Variants in AUTS2 observed in about 807,000 individuals in gnomAD.
AUTS2 encodes autism susceptibility gene 2 protein.
In AUTS2, 17 loss-of-function variants were observed where a neutral mutation model predicts 112.4. That is an observed-to-expected ratio of 0.15 (90% confidence interval 0.10 to 0.23). The LOEUF (loss-of-function observed/expected upper bound fraction) is 0.23, where lower values mean the gene tolerates loss of function less well. AUTS2 is among the 10% of genes least tolerant of loss of function. The pLI, the probability that AUTS2 is intolerant of heterozygous loss-of-function variation, is 1.00. For synonymous variants in AUTS2, 751 were observed against 702.7 expected (o/e 1.07, Z -1.09); for missense variants, 1,510 against 1,701.6 (o/e 0.89, Z 1.98).
Position 69,902,491 on chromosome 7 carries a change from C to A in AUTS2, c.522+2993C>A, listed in dbSNP as rs116049472. ...AACTACAGATGAAATAGGGAAGAGGCGAGAACTTAGTCTTTATTTCTGACT... is the reference window on the plus strand; with the variant it reads ...AACTACAGATGAAATAGGGAAGAGGAGAGAACTTAGTCTTTATTTCTGACT... On this transcript the variant is annotated intron_variant, in intron 2 of 18. Transcript: ENST00000342771. Among the ~76,000 whole-genome samples the A allele has an allele frequency of 2.1e-3, 323 of 152,174 alleles. 1 individual carries two copies. Among genetic ancestry groups the A allele is most frequent in the African/African-American group, 7.4e-3 (309 of 41,518 alleles).
intron 5 of AUTS2, among the ~76,000 whole-genome samples, chr7:70,442,582 C>G (rs558614221): frequency 6.6e-6 from 1 of 152,290 alleles, no homozygotes; most frequent in African/African-American, 2.4e-5. Context: ...CCTCCCACTC[C>G]TTGATTCAAG....
At chr7:70,703,490 CAA>C (rs57223380) in intron 6 of AUTS2, among the ~76,000 whole-genome samples, 9,931 of 98,102 alleles carry the variant, frequency 0.1, 367 homozygotes, top group East Asian at 0.37. Context: ...GACACCATTT[CAA>C]AAAAAAAAAA....
intron 2 of AUTS2, among the ~76,000 whole-genome samples, chr7:69,946,911 G>A (rs1378279666): frequency 6.6e-6 from 1 of 152,128 alleles, no homozygotes; most frequent in African/African-American, 2.4e-5. Flanking sequence ...GCCTTGTGAG[G>A]CAAGGAAAGC....
intron 2 of AUTS2, among the ~76,000 whole-genome samples, chr7:69,971,801 T>G (rs183094804): frequency 3.9e-5 from 6 of 152,356 alleles, no homozygotes; most frequent in Admixed American, 3.3e-4. Flanking sequence ...CTGAGTAGTA[T>G]TCTATGGTAT....
At chr7:70,004,711 G>A (rs888666590) in intron 2 of AUTS2, among the ~76,000 whole-genome samples, 1 of 151,312 alleles carries the variant, frequency 6.6e-6, no homozygotes, top group East Asian at 1.9e-4. Context: ...TTCATGAGCT[G>A]GGGGAAAAAA....
intron 1 of AUTS2, among the ~76,000 whole-genome samples, chr7:69,736,087 A>G (rs1787019372): frequency 6.6e-6 from 1 of 152,170 alleles, no homozygotes; most frequent in African/African-American, 2.4e-5. Flanking sequence ...TGTTGAATAC[A>G]TGCATTTGTT....
intron 1 of AUTS2, among the ~76,000 whole-genome samples, chr7:69,671,915 GA>G (rs1218469904): frequency 1.3e-5 from 2 of 152,228 alleles, no homozygotes; most frequent in African/African-American, 4.8e-5. Context: ...GGGGCACTGG[GA>G]AATGGGTAGG....
At chr7:70,569,335 A>G (rs558806939) in intron 5 of AUTS2, among the ~76,000 whole-genome samples, 1 of 152,308 alleles carries the variant, frequency 6.6e-6, no homozygotes, top group Non-Finnish European at 1.5e-5. Flanking sequence ...TTCTGCGACC[A>G]TTACCATTGC....
At chr7:69,688,051 G>A (rs1229185515) in intron 1 of AUTS2, among the ~76,000 whole-genome samples, 2 of 152,260 alleles carry the variant, frequency 1.3e-5, no homozygotes, top group East Asian at 3.8e-4. Context: ...CTGATAGCCT[G>A]TAACAGTCTG....
intron 4 of AUTS2, among the ~76,000 whole-genome samples, chr7:70,398,806 G>A (rs1029636646): frequency 1.3e-5 from 2 of 152,044 alleles, no homozygotes; most frequent in Admixed American, 1.3e-4. Context: ...AAAGCATTCA[G>A]TTGTTCACCA....
chr7:70,614,126 TC>T (rs1474382092), intron 5 of AUTS2, among the ~76,000 whole-genome samples: 1 of 152,182 alleles, frequency 6.6e-6, no homozygotes, highest in East Asian at 1.9e-4. Flanking sequence ...CTGCACATCC[TC>T]ACTGGCCAGT....
At chr7:69,796,166 A>G (rs956772962) in intron 1 of AUTS2, among the ~76,000 whole-genome samples, 2 of 152,186 alleles carry the variant, frequency 1.3e-5, no homozygotes, top group African/African-American at 4.8e-5. Flanking sequence ...CAATCCATAG[A>G]CAGTGGGGTG....
At chr7:70,223,838 A>G (rs1179437273) in intron 4 of AUTS2, among the ~76,000 whole-genome samples, 2 of 145,204 alleles carry the variant, frequency 1.4e-5, no homozygotes, top group Admixed American at 1.4e-4. Context: ...GCTAGTGTGC[A>G]TGTTTGTATC....
At chr7:69,620,532 C>A (rs917617) in intron 1 of AUTS2, among the ~76,000 whole-genome samples, 129,203 of 152,198 alleles carry the variant, frequency 0.85, 55,085 homozygotes, top group African/African-American at 0.93. Flanking sequence ...AGATGGATGA[C>A]GAAAACAGTG....
At chr7:70,024,219 G>C (rs1030735287) in intron 2 of AUTS2, among the ~76,000 whole-genome samples, 3 of 152,192 alleles carry the variant, frequency 2.0e-5, no homozygotes, top group Non-Finnish European at 4.4e-5. Context: ...CAGAAAAGAA[G>C]TTACTTAAAA....
chr7:69,884,922 G>C (rs1001252141), intron 1 of AUTS2, among the ~76,000 whole-genome samples: 1 of 152,168 alleles, frequency 6.6e-6, no homozygotes, highest in Admixed American at 6.5e-5. Flanking sequence ...TATATCTTAA[G>C]CACTTTTCTG....
At chr7:70,460,338 CTTTTTTTTTTTTTTTT>C (rs10537541) in intron 5 of AUTS2, among the ~76,000 whole-genome samples, 3 of 38,216 alleles carry the variant, frequency 7.9e-5, no homozygotes, top group South Asian at 2.3e-3. Flanking sequence ...ACAGCCTGGT[CTTTTTTTTTTTTTTTT>C]TTTTTTTTTT....
Position 70,724,443 on chromosome 7 carries a change from CTTTT to C in AUTS2, c.742+25840_742+25843del, listed in dbSNP as rs71077675. On this transcript the variant is annotated intron_variant, in intron 6 of 18. Coordinates refer to ENST00000342771, the MANE Select transcript of AUTS2 (RefSeq NM_015570.4). Reference sequence around the variant, plus strand: ...AAGAATGATTTTATTTTCATCCTGACTTTTTTTTTTTTTTTTTTTTGAGACAGAG... The same window carrying C: ...AAGAATGATTTTATTTTCATCCTGACTTTTTTTTTTTTTTTTGAGACAGAG... 5.5e-3 allele frequency among the ~76,000 whole-genome samples: 555 copies of C among 101,374 alleles called. 5 individuals carry two copies. Among genetic ancestry groups the C allele is most frequent in the African/African-American group, 0.018 (517 of 29,034 alleles). The allele number at this position is 101,374 out of a possible 152,430, so 66.5% of individuals were successfully genotyped here.
intron 1 of AUTS2, among the ~76,000 whole-genome samples, chr7:69,818,877 C>T (rs766785065): frequency 5.9e-5 from 9 of 152,274 alleles, no homozygotes; most frequent in Non-Finnish European, 1.2e-4. Flanking sequence ...AGATATTTAT[C>T]GCCTCATGGG....
Sources: allele counts gnomAD v4.1 joint callset (sites outside exome capture counted in the v4.1 genomes callset), GRCh38; gene constraint gnomAD v4.1.1; transcripts MANE v1.5; gene names NCBI Gene and HGNC (gene_info 2026-07-23, HGNC 2026-07-21).